The following LEMD1 variants were observed in gnomAD, a reference collection of about 807,000 sequenced individuals.
LEMD1 encodes the protein LEM domain-containing protein 1.
LEMD1 carries 18 observed loss-of-function variants against 17.4 expected under a neutral mutation model. The ratio of observed to expected loss-of-function variants is 1.04; its 90% confidence interval spans 0.72 to 1.54. LEMD1 has a LOEUF of 1.54. LEMD1 is among the 40% of genes most tolerant of loss of function. LEMD1 has a pLI of 0.00. For missense variants in LEMD1, 195 were observed against 210.4 expected (o/e 0.93, Z 0.45); for synonymous variants, 88 against 77.8 (o/e 1.13, Z -0.69).
intron 4 of LEMD1, among the ~76,000 whole-genome samples, chr1:205,405,973 G>A (rs1380153284): frequency 6.6e-6 from 1 of 152,236 alleles, no homozygotes; most frequent in Non-Finnish European, 1.5e-5. Flanking sequence ...GTCCACTCCA[G>A]ACCCCGTTTG....
At chr1:205,419,748 G>A (rs1009415904) in intron 2 of LEMD1, among the ~76,000 whole-genome samples, 1 of 152,166 alleles carries the variant, frequency 6.6e-6, no homozygotes, top group Admixed American at 6.5e-5. Flanking sequence ...TTACAGACAT[G>A]AGCCACTGCG....
At chr1:205,417,809 C>T (rs1426560561) in intron 3 of LEMD1, among the ~76,000 whole-genome samples, 1 of 140,966 alleles carries the variant, frequency 7.1e-6, no homozygotes, top group East Asian at 2.1e-4. Context: ...TGATATTGTC[C>T]TTTTTTTGTA....
chr1:205,420,942 C>T (rs1665933391), intron 1 of LEMD1, among the ~76,000 whole-genome samples: 3 of 147,640 alleles, frequency 2.0e-5, no homozygotes, highest in South Asian at 4.3e-4. Context: ...TATGAAAGAG[C>T]TGAGAGGTTT....
intron 4 of LEMD1, among the ~76,000 whole-genome samples, chr1:205,404,058 T>G: frequency 6.6e-6 from 1 of 152,242 alleles, no homozygotes; most frequent in Non-Finnish European, 1.5e-5. Context: ...TGCATTGTGG[T>G]CTGAGAGACA....
At chr1:205,389,535 T>C (rs1200395083) in intron 4 of LEMD1, among the ~76,000 whole-genome samples, 1 of 152,156 alleles carries the variant, frequency 6.6e-6, no homozygotes, top group Non-Finnish European at 1.5e-5. Context: ...AGAGCCCAGT[T>C]TCCTACCCTT....
chr1:205,403,549 C>T (rs921419976), intron 4 of LEMD1, among the ~76,000 whole-genome samples: 1 of 151,804 alleles, frequency 6.6e-6, no homozygotes, highest in African/African-American at 2.4e-5. Context: ...GTGGTGATAT[C>T]CCCTTTATCA....
chr1:205,394,689 G>T (rs900939157), intron 4 of LEMD1, among the ~76,000 whole-genome samples: 10 of 151,706 alleles, frequency 6.6e-5, no homozygotes, highest in African/African-American at 2.4e-4. Flanking sequence ...CTGGCCTATT[G>T]ATTTATTTAT....
At chr1:205,421,512 T>C (rs1388916523) in intron 1 of LEMD1, among the ~76,000 whole-genome samples, 1 of 152,192 alleles carries the variant, frequency 6.6e-6, no homozygotes, top group Admixed American at 6.5e-5. Context: ...CAATGTCCAA[T>C]TAGGAAGAAC....
chr1:205,396,555 A>G (rs1038584235), intron 4 of LEMD1, among the ~76,000 whole-genome samples: 1 of 152,090 alleles, frequency 6.6e-6, no homozygotes, highest in African/African-American at 2.4e-5. Context: ...CAAATGTCCA[A>G]CAAATAGGGA....
At chr1:205,449,457 G>A (rs1322924493) in intron 1 of LEMD1, among the ~76,000 whole-genome samples, 1 of 151,982 alleles carries the variant, frequency 6.6e-6, no homozygotes, top group African/African-American at 2.4e-5. Context: ...GGGAGTAGCT[G>A]CCTCTCCCAC....
rs74350404 is a variant in LEMD1, at chr1:205,407,533, G to A, written c.270+8699C>T. ...GTGAACGCATTAAGGTACTTAGAGGGCAGCGCGCCCAGAGAAAGCATGGAA... is the reference window on the plus strand; with the variant it reads ...GTGAACGCATTAAGGTACTTAGAGGACAGCGCGCCCAGAGAAAGCATGGAA... On this transcript the variant is annotated intron_variant, in intron 4 of 5. Transcript: ENST00000367153. Among the ~76,000 whole-genome samples the A allele has an allele frequency of 5.1e-3, 769 of 152,202 alleles. 6 individuals carry two copies. Among genetic ancestry groups the A allele is most frequent in the Admixed American group, 7.7e-3 (118 of 15,288 alleles).
rs1663685258 is a variant in LEMD1 at position 205,381,402 on chromosome 1, A to T, written c.*256T>A. ...GTTTCCTTGTTTGACGCCTGCTCAAATATGGAAGCACCTTTAATGAGAGTT... is the reference window on the plus strand; with the variant it reads ...GTTTCCTTGTTTGACGCCTGCTCAATTATGGAAGCACCTTTAATGAGAGTT... On this transcript the variant is annotated 3_prime_UTR_variant, in exon 6 of 6. Transcript: ENST00000367153. The T allele has an allele frequency of 4.0e-6, 2 of 502,496 alleles. No individual in the cohort carries two copies. The highest frequency in any genetic ancestry group is 6.7e-5 in the Admixed American group (2 of 29,858). 31.1% of individuals were successfully genotyped at this position (502,496 alleles called of 1,614,324 possible). A position where few individuals can be genotyped will look rare whatever the true frequency, so the allele number is the denominator to read the frequency against.
intron 1 of LEMD1, among the ~76,000 whole-genome samples, chr1:205,433,037 C>T (rs1666149418): frequency 6.6e-6 from 1 of 151,804 alleles, no homozygotes; most frequent in Non-Finnish European, 1.5e-5. Context: ...AAAAATTCCA[C>T]TTCTTATGTG....
chr1:205,394,857 T>C (rs1357972215), intron 4 of LEMD1, among the ~76,000 whole-genome samples: 2 of 151,588 alleles, frequency 1.3e-5, no homozygotes, highest in Non-Finnish European at 1.5e-5. Context: ...TGTGGTGACG[T>C]GCACCTGTAA....
intron 4 of LEMD1, among the ~76,000 whole-genome samples, chr1:205,388,904 T>C (rs1664181598): frequency 1.3e-5 from 2 of 152,136 alleles, no homozygotes; most frequent in Admixed American, 6.6e-5. Flanking sequence ...TGAAATAATA[T>C]TGCATATGAC....
chr1:205,411,169 A>AGAAAGAAG (rs377688044), intron 4 of LEMD1, among the ~76,000 whole-genome samples: 5 of 148,190 alleles, frequency 3.4e-5, no homozygotes, highest in Non-Finnish European at 6.0e-5. Flanking sequence ...AAAGAGAGAG[A>AGAAAGAAG]GAAAGAAGGA....
At chr1:205,421,813 A>G (rs1257612522) in intron 1 of LEMD1, among the ~76,000 whole-genome samples, 177 bp downstream of exon 1, 5 of 152,186 alleles carry the variant, frequency 3.3e-5, no homozygotes, top group Admixed American at 3.3e-4. Context: ...TTGCTTCGGC[A>G]GATCCTATGA....
intron 4 of LEMD1, among the ~76,000 whole-genome samples, chr1:205,412,847 G>A (rs1056681032): frequency 5.9e-5 from 9 of 152,186 alleles, no homozygotes; most frequent in East Asian, 1.9e-4. Flanking sequence ...AGTGGAGACC[G>A]AAGGCCACTG....
Position 205,416,286 on chromosome 1 carries a change from G to A in LEMD1, c.216C>T (p.Ile72=). ...QDSDDSEELN[I]ILQGNIILST... Reference sequence around the variant, plus strand: ...AGAGTATGATATTTCCTTGCAAAATGATATTAAGCTCTGGATCATGGGAAA... The same window carrying A: ...AGAGTATGATATTTCCTTGCAAAATAATATTAAGCTCTGGATCATGGGAAA... Residue 72 remains isoleucine (I), a synonymous_variant, in exon 4 of 6, where the codon ATC becomes ATT. Transcript: ENST00000367153. The A allele has an allele frequency of 6.5e-7, 1 of 1,547,600 alleles. No individual in the cohort carries two copies. The highest frequency in any genetic ancestry group is 8.7e-7 in the Non-Finnish European group (1 of 1,144,866).
Sources: gnomAD v4.1 joint callset for allele counts (sites outside exome capture counted in the v4.1 genomes callset) on GRCh38, gnomAD v4.1.1 for gene constraint, MANE v1.5 for transcripts, NCBI Gene and HGNC (gene_info 2026-07-23, HGNC 2026-07-21) for gene names.